The following TRPC7 variants were observed in gnomAD, a reference collection of about 807,000 sequenced individuals.
The protein encoded by TRPC7 is short transient receptor potential channel 7.
TRPC7 carries 42 observed loss-of-function variants against 90.1 expected under a neutral mutation model. That is an observed-to-expected ratio of 0.47 (90% CI 0.36 to 0.60). The LOEUF (loss-of-function observed/expected upper bound fraction) is 0.60. TRPC7 is among the 20% of genes least tolerant of loss of function. The probability of loss-of-function intolerance (pLI) is 0.00; values close to 1 mark genes in which losing one functional copy is unlikely to be tolerated. For missense variants in TRPC7, 955 were observed against 1,112.3 expected (o/e 0.86, Z 2.01); for synonymous variants, 451 against 436.3 (o/e 1.03, Z -0.42).
chr5:136,218,067 T>C (rs1755330166), intron 10 of TRPC7, among the ~76,000 whole-genome samples: 1 of 144,962 alleles, frequency 6.9e-6, no homozygotes, highest in South Asian at 2.1e-4. Flanking sequence ...ATATATAATA[T>C]ATATTTAAGA....
At chr5:136,318,832 C>T (rs2149840528) in intron 2 of TRPC7, among the ~76,000 whole-genome samples, 1 of 152,240 alleles carries the variant, frequency 6.6e-6, no homozygotes, top group South Asian at 2.1e-4. Flanking sequence ...ACTGTACCTC[C>T]TTTTCACTGT....
Position 136,356,860 on chromosome 5 carries a change from C to T in TRPC7, c.528G>A (p.Glu176=). ...GCAGCAGGATGTGCACGATCTCATA[C>T]TCCTGGCAGTGCGCCGCCAGGATGA... The part of the protein sequence containing the change: ...TPIILAAHCQ[E]YEIVHILLLK... The change falls in exon 2 of 12, where the codon GAG becomes GAA. Residue 176 remains glutamate (E), a synonymous_variant. Transcript: ENST00000513104. 1.2e-6 allele frequency: 2 copies of T among 1,613,932 alleles called. No homozygotes were observed. The highest frequency in any genetic ancestry group is 1.7e-6 in the Non-Finnish European group (2 of 1,179,934).
At chr5:136,273,865 T>C (rs550195428) in intron 4 of TRPC7, among the ~76,000 whole-genome samples, 1 of 152,334 alleles carries the variant, frequency 6.6e-6, no homozygotes, top group African/African-American at 2.4e-5. Context: ...TTAAAAGCAC[T>C]GACTCTTCCC....
intron 4 of TRPC7, among the ~76,000 whole-genome samples, chr5:136,274,253 G>A (rs542447776): frequency 6.6e-6 from 1 of 152,184 alleles, no homozygotes; most frequent in South Asian, 2.1e-4. Context: ...AATTGAGGCT[G>A]TGAAATGAGA....
Position 136,216,246 on chromosome 5 carries a change from G to C in TRPC7, c.2373C>G (p.Tyr791Ter). ...CTCTGTCCACCTGGGCTTTCAGGACGTATCTTTTTATGAGCCGTTTCATGA... is the reference window on the plus strand; with the variant it reads ...CTCTGTCCACCTGGGCTTTCAGGACCTATCTTTTTATGAGCCGTTTCATGA... ...QKIMKRLIKR[Y>*]VLKAQVDREN... Residue 791 changes from tyrosine (Y) to a stop codon, truncating the protein, a stop_gained, in exon 11 of 12, where the codon TAC (tyrosine) becomes TAG (stop). Coordinates refer to ENST00000513104, the MANE Select transcript of TRPC7 (RefSeq NM_020389.3). LOFTEE classifies it high-confidence loss of function. 1 of 1,613,328 alleles carries C rather than the reference G, an allele frequency of 6.2e-7. No individual in the cohort carries two copies. Among genetic ancestry groups the C allele is most frequent in the Non-Finnish European group, 8.5e-7 (1 of 1,179,624 alleles).
intron 2 of TRPC7, among the ~76,000 whole-genome samples, chr5:136,336,732 A>G (rs932455413): frequency 1.3e-5 from 2 of 151,986 alleles, no homozygotes; most frequent in African/African-American, 2.4e-5. Context: ...TCGTTGTTCA[A>G]TTCCCACCTA....
chr5:136,301,844 C>T (rs907149275), intron 3 of TRPC7, among the ~76,000 whole-genome samples: 11 of 152,194 alleles, frequency 7.2e-5, no homozygotes, highest in Non-Finnish European at 1.3e-4. Flanking sequence ...AATTTGGTGC[C>T]GTGACTCGGA....
intron 2 of TRPC7, among the ~76,000 whole-genome samples, chr5:136,349,274 C>A (rs537622116): frequency 1.3e-5 from 2 of 152,232 alleles, no homozygotes; most frequent in African/African-American, 4.8e-5. Context: ...CTATTTTTAA[C>A]CATGGAGCTC....
intron 10 of TRPC7, among the ~76,000 whole-genome samples, chr5:136,218,259 T>C (rs2149792462): frequency 6.6e-6 from 1 of 150,608 alleles, no homozygotes; most frequent in East Asian, 1.9e-4. Context: ...AATGCTGCTT[T>C]CACTTTGAGT....
At chr5:136,308,277 G>C (rs546237420) in intron 3 of TRPC7, among the ~76,000 whole-genome samples, 1 of 152,202 alleles carries the variant, frequency 6.6e-6, no homozygotes, top group African/African-American at 2.4e-5. Context: ...GTGGCCAGGC[G>C]AGATCCACGG....
At chr5:136,299,650 C>T (rs940394334) in intron 3 of TRPC7, among the ~76,000 whole-genome samples, 4 of 152,122 alleles carry the variant, frequency 2.6e-5, no homozygotes, top group Non-Finnish European at 5.9e-5. Flanking sequence ...CTCATTAAAA[C>T]TCTAAATTCA....
At chr5:136,223,083 C>A (rs542274579) in intron 10 of TRPC7, among the ~76,000 whole-genome samples, 3 of 152,244 alleles carry the variant, frequency 2.0e-5, no homozygotes, top group Non-Finnish European at 4.4e-5. Context: ...CTGATGCCTA[C>A]TGGCTGGCTT....
intron 3 of TRPC7, among the ~76,000 whole-genome samples, chr5:136,291,196 T>G (rs1580908881): frequency 6.6e-6 from 1 of 152,236 alleles, no homozygotes; most frequent in East Asian, 1.9e-4. Context: ...CATGCCAAAT[T>G]GTAAAGACCA....
At chr5:136,236,885 C>A (rs185694849) in intron 7 of TRPC7, among the ~76,000 whole-genome samples, 1 of 152,302 alleles carries the variant, frequency 6.6e-6, no homozygotes, top group Admixed American at 6.5e-5. Context: ...CTAATCAAAT[C>A]ATCATATAGC....
intron 11 of TRPC7, among the ~76,000 whole-genome samples, chr5:136,215,554 G>T (rs1206399362): frequency 6.6e-6 from 1 of 152,202 alleles, no homozygotes; most frequent in African/African-American, 2.4e-5. Flanking sequence ...CGGGCGCAGT[G>T]GCTCATGCCT....
At chr5:136,252,385 A>G (rs572095792) in intron 5 of TRPC7, among the ~76,000 whole-genome samples, 97 of 152,166 alleles carry the variant, frequency 6.4e-4, no homozygotes, top group African/African-American at 2.0e-3. Flanking sequence ...TTTAAATCCC[A>G]GATTAGAATG....
At chr5:136,251,626 A>C in intron 6 of TRPC7, 23 bp downstream of exon 6, 1 of 1,557,890 alleles carries the variant, frequency 6.4e-7, no homozygotes, top group Non-Finnish European at 8.8e-7. Context: ...AAAATGGAGT[A>C]GGGGAAGCAC....
rs186814830 is a variant in TRPC7 at position 136,252,017 on chromosome 5, A to G, written c.1346-135T>C. On this transcript the variant is annotated intron_variant, in intron 5 of 11. Transcript: ENST00000513104. Reference sequence around the variant, plus strand: ...GCTGGGACCGTCGATAGCCAGAGGCAGACAGAAACGTGTTTTCAAAGGCAG... The same window carrying G: ...GCTGGGACCGTCGATAGCCAGAGGCGGACAGAAACGTGTTTTCAAAGGCAG... The G allele has an allele frequency of 5.1e-4, 352 of 687,692 alleles. No individual in the cohort carries two copies. In the African/African-American group the frequency reaches 5.2e-3, roughly 10 times the overall value. The allele number at this position is 687,692 out of a possible 1,614,324, so 42.6% of individuals were successfully genotyped here. A position where few individuals can be genotyped will look rare whatever the true frequency, so the allele number is the denominator to read the frequency against.
chr5:136,225,476 G>A (rs1392728362), intron 9 of TRPC7, 122 bp from the exon 10 acceptor site: 2 of 915,512 alleles, frequency 2.2e-6, no homozygotes, highest in Non-Finnish European at 3.3e-6. Flanking sequence ...GCTTTTGAAA[G>A]CTGATTTACC....
Sources: allele counts gnomAD v4.1 joint callset (sites outside exome capture counted in the v4.1 genomes callset), GRCh38; gene constraint gnomAD v4.1.1; transcripts MANE v1.5; gene names NCBI Gene and HGNC (gene_info 2026-07-23, HGNC 2026-07-21).